TRPS1: variants seen among roughly 807,000 people sequenced by gnomAD.
The protein encoded by TRPS1 is zinc finger transcription factor Trps1.
A neutral mutation model predicts 101.2 loss-of-function variants in TRPS1; 6 were observed. The observed-to-expected ratio is 0.06, with a 90% confidence interval of 0.03 to 0.12. The LOEUF (loss-of-function observed/expected upper bound fraction) is 0.12. Among genes scored for constraint, TRPS1 ranks in the 10% least tolerant of loss-of-function variants. The pLI, the probability that TRPS1 is intolerant of heterozygous loss-of-function variation, is 1.00. For missense variants in TRPS1, 1,363 were observed against 1,567.0 expected (o/e 0.87, Z 2.20); for synonymous variants, 578 against 589.8 (o/e 0.98, Z 0.29).
chr8:115,456,718 C>T (rs1164940370), intron 5 of TRPS1, among the ~76,000 whole-genome samples: 2 of 151,894 alleles, frequency 1.3e-5, no homozygotes, highest in African/African-American at 2.4e-5. Context: ...AAATATATGG[C>T]TTTTCTATTT....
At chr8:115,498,265 G>A (rs1249707211) in intron 5 of TRPS1, among the ~76,000 whole-genome samples, 2 of 151,470 alleles carry the variant, frequency 1.3e-5, no homozygotes, top group East Asian at 3.9e-4. Context: ...TGTAGTTCCA[G>A]CTACTGGGAG....
rs535063233 is a variant in TRPS1 at position 115,567,489 on chromosome 8, C to T, written c.2700+19512G>A. Among the ~76,000 whole-genome samples the T allele has an allele frequency of 1.6e-4, 24 of 152,168 alleles. 1 individual carries two copies. In the South Asian group the frequency reaches 5.0e-3, roughly 32 times the overall value. On this transcript the variant is annotated intron_variant, in intron 5 of 6. Coordinates refer to ENST00000395715, the MANE Select transcript of TRPS1 (RefSeq NM_014112.5). ...TTCCAGGAATTTGGCAAAGAAGGAT[C>T]TTTGCCAAATTGATACCTCTCTATA...
chr8:115,571,983 G>T (rs886223747), intron 5 of TRPS1, among the ~76,000 whole-genome samples: 29 of 151,760 alleles, frequency 1.9e-4, no homozygotes, highest in African/African-American at 6.8e-4. Flanking sequence ...ATATTTAAAA[G>T]AAGATAAACG....
At chr8:115,531,779 G>A (rs1312437426) in intron 5 of TRPS1, among the ~76,000 whole-genome samples, 1 of 152,108 alleles carries the variant, frequency 6.6e-6, no homozygotes, top group Non-Finnish European at 1.5e-5. Context: ...AATAACATGG[G>A]CAGTCAAATA....
chr8:115,508,616 A>G (rs1347303759), intron 5 of TRPS1, among the ~76,000 whole-genome samples: 1 of 151,928 alleles, frequency 6.6e-6, no homozygotes, highest in African/African-American at 2.4e-5. Flanking sequence ...AGTTCTGTTC[A>G]GTTCTGCTTG....
chr8:115,516,512 G>A (rs953604320), intron 5 of TRPS1, among the ~76,000 whole-genome samples: 3 of 151,464 alleles, frequency 2.0e-5, no homozygotes, highest in African/African-American at 4.8e-5. Flanking sequence ...GGATACGGAT[G>A]ATACATATAT....
intron 1 of TRPS1, among the ~76,000 whole-genome samples, chr8:115,658,682 G>A (rs1385359921): frequency 6.6e-6 from 1 of 152,104 alleles, no homozygotes; most frequent in African/African-American, 2.4e-5. Context: ...TGTGCTAACA[G>A]TGATATACTG....
At chr8:115,629,521 A>G (rs1446744992) in intron 1 of TRPS1, among the ~76,000 whole-genome samples, 1 of 151,948 alleles carries the variant, frequency 6.6e-6, no homozygotes. Flanking sequence ...CACTGCATAA[A>G]GAAGCTCTAT....
intron 5 of TRPS1, among the ~76,000 whole-genome samples, chr8:115,500,737 T>C (rs1268793427): frequency 6.6e-6 from 1 of 151,882 alleles, no homozygotes; most frequent in Non-Finnish European, 1.5e-5. Context: ...GCCTGGCTAA[T>C]TTTTTTGTGT....
At chr8:115,543,133 C>A (rs12543799) in intron 5 of TRPS1, among the ~76,000 whole-genome samples, 104,172 of 151,968 alleles carry the variant, frequency 0.69, 37,212 homozygotes, top group African/African-American at 0.89. Flanking sequence ...AATATTTTCA[C>A]CACCACTTGA....
At chr8:115,603,838 G>C in intron 4 of TRPS1, 35 bp downstream of exon 4, 1 of 1,610,504 alleles carries the variant, frequency 6.2e-7, no homozygotes. Context: ...TATTTTATTT[G>C]TATATTCCTC....
chr8:115,503,138 C>T (rs1815358848), intron 5 of TRPS1, among the ~76,000 whole-genome samples: 2 of 151,408 alleles, frequency 1.3e-5, no homozygotes, highest in African/African-American at 4.9e-5. Flanking sequence ...CTTGTATTCC[C>T]AGCTACTTGG....
intron 1 of TRPS1, among the ~76,000 whole-genome samples, chr8:115,651,876 A>G (rs1381020701): frequency 6.6e-6 from 1 of 152,194 alleles, no homozygotes; most frequent in East Asian, 1.9e-4. Context: ...ATGATGTAGT[A>G]CATTTGGAAC....
At position 115,628,436 on chromosome 8, in the gene TRPS1, T is replaced by TAC. The variant is rs542920476; in HGVS notation, c.-121-4680_-121-4679dup. ...ATTTTTCCCTCTGACAAAAACAAAT[T>TAC]ACACACACACACACACAGGAGTCAT... is the stretch of plus-strand genomic sequence containing the variant. On this transcript the variant is annotated intron_variant, in intron 1 of 6. Transcript: ENST00000395715. 1.0e-3 allele frequency among the ~76,000 whole-genome samples: 158 copies of TAC among 150,480 alleles called. 2 individuals are homozygous for TAC. The South Asian group carries it at 0.017, about 16-fold the overall frequency.
chr8:115,627,050 CT>C (rs1554600327), intron 1 of TRPS1, among the ~76,000 whole-genome samples: 1 of 151,490 alleles, frequency 6.6e-6, no homozygotes, highest in South Asian at 2.1e-4. Context: ...TTTTCAAAGA[CT>C]TTAGGCTATA....
At chr8:115,481,701 T>C (rs1201888372) in intron 5 of TRPS1, among the ~76,000 whole-genome samples, 1 of 152,232 alleles carries the variant, frequency 6.6e-6, no homozygotes. Context: ...TGTTTAGAAC[T>C]GCTTTCAGGA....
At chr8:115,641,749 G>A (rs182742739) in intron 1 of TRPS1, among the ~76,000 whole-genome samples, 27 of 152,218 alleles carry the variant, frequency 1.8e-4, no homozygotes, top group African/African-American at 5.1e-4. Flanking sequence ...GCATGGTGGC[G>A]CATGCCTGTA....
At chr8:115,548,543 C>T (rs1454895326) in intron 5 of TRPS1, among the ~76,000 whole-genome samples, 1 of 152,014 alleles carries the variant, frequency 6.6e-6, no homozygotes, top group Non-Finnish European at 1.5e-5. Flanking sequence ...CCTCAGCCTC[C>T]CAAAGTGCTG....
rs750668644 is a variant in TRPS1, at chr8:115,604,220, T to A, written c.1749A>T (p.Gly583=). The change falls in exon 4 of 7, where the codon GGA becomes GGT. Residue 583 remains glycine (G), a synonymous_variant. Coordinates refer to ENST00000395715, the MANE Select transcript of TRPS1 (RefSeq NM_014112.5). The surrounding 1 kb of genome is among the most constrained non-coding windows in gnomAD (Gnocchi z 4.1). ...TIKHCPFCPR[G]LCSPEKHLGE... ...CAAGGTGCTTTTCTGGGCTGCAAAG[T>A]CCTCTGGGACAGAATGGACAGTGTT... 3 of 1,614,046 alleles carry A rather than the reference T, an allele frequency of 1.9e-6. No individual in the cohort carries two copies. In the South Asian group the frequency reaches 3.3e-5, roughly 18 times the overall value.
Sources: allele counts gnomAD v4.1 joint callset (sites outside exome capture counted in the v4.1 genomes callset), GRCh38; gene constraint gnomAD v4.1.1; non-coding constraint Gnocchi (gnomAD v3.1); transcripts MANE v1.5; gene names NCBI Gene and HGNC (gene_info 2026-07-23, HGNC 2026-07-21).